Variants in PTCD2 observed in about 807,000 individuals in gnomAD.
PTCD2 encodes pentatricopeptide repeat domain 2.
A neutral mutation model predicts 42.6 loss-of-function variants in PTCD2; 31 were observed. That is an observed-to-expected ratio of 0.73 (90% CI 0.55 to 0.98). The LOEUF is 0.98. Ranked by LOEUF, PTCD2 falls within the 50% of genes least tolerant of loss-of-function variation. The probability of loss-of-function intolerance (pLI) is 0.00; values close to 1 mark genes in which losing one functional copy is unlikely to be tolerated. For synonymous variants in PTCD2, 183 were observed against 170.9 expected (o/e 1.07, Z -0.55); for missense variants, 476 against 454.8 (o/e 1.05, Z -0.42).
rs1400694506 is a variant in PTCD2, at chr5:72,335,900, T to C, written c.639+15T>C. On this transcript the variant is annotated intron_variant, in intron 6 of 9. Coordinates refer to ENST00000380639, the MANE Select transcript of PTCD2 (RefSeq NM_024754.5). ...GCTACAAACTGGTAAGACTCTTTCC[T>C]CTTAACTTTGAGAGCATTGTGTGTA... The C allele has an allele frequency of 1.2e-5, 18 of 1,527,738 alleles. No individual in the cohort carries two copies. Among genetic ancestry groups the C allele is most frequent in the Non-Finnish European group, 1.6e-5 (18 of 1,101,744 alleles). 94.6% of individuals were successfully genotyped at this position (1,527,738 alleles called of 1,614,324 possible).
chr5:72,348,546 G>A (rs187225475), intron 8 of PTCD2, among the ~76,000 whole-genome samples: 1 of 152,276 alleles, frequency 6.6e-6, no homozygotes, highest in East Asian at 1.9e-4. Flanking sequence ...TGATTTAACA[G>A]ATCTCATCAA....
At chr5:72,342,367 C>T (rs981367002) in intron 7 of PTCD2, among the ~76,000 whole-genome samples, 18 of 152,208 alleles carry the variant, frequency 1.2e-4, no homozygotes, top group Non-Finnish European at 1.8e-4. Flanking sequence ...CCTATGGAAA[C>T]GCTTGACTAG....
At chr5:72,324,065 G>T (rs916992086) in intron 2 of PTCD2, among the ~76,000 whole-genome samples, 3 of 152,102 alleles carry the variant, frequency 2.0e-5, no homozygotes, top group African/African-American at 7.2e-5. Context: ...GGAATGGGGG[G>T]AATATATTTA....
chr5:72,328,474 G>A (rs1158585971), intron 3 of PTCD2, among the ~76,000 whole-genome samples: 1 of 152,256 alleles, frequency 6.6e-6, no homozygotes, highest in Non-Finnish European at 1.5e-5. Flanking sequence ...AAGTTGCCTG[G>A]CCAGACCAAA....
chr5:72,332,076 A>G (rs1387374755), intron 4 of PTCD2, among the ~76,000 whole-genome samples: 1 of 152,204 alleles, frequency 6.6e-6, no homozygotes, highest in Admixed American at 6.5e-5. Flanking sequence ...GTGTAAGCTT[A>G]GACTGCTTTT....
chr5:72,323,841 GT>G (rs1243701766), intron 2 of PTCD2, among the ~76,000 whole-genome samples: 1 of 151,820 alleles, frequency 6.6e-6, no homozygotes, highest in Non-Finnish European at 1.5e-5. Flanking sequence ...TGTAGAGATG[GT>G]CTCACTGTGT....
intron 8 of PTCD2, among the ~76,000 whole-genome samples, chr5:72,344,739 G>A (rs563931938): frequency 4.6e-5 from 7 of 152,208 alleles, no homozygotes; most frequent in African/African-American, 7.2e-5. Context: ...TTAAAGCTGG[G>A]TGTCCGGGGG....
Position 72,320,617 on chromosome 5 carries a change from T to C in PTCD2, c.127+108T>C, listed in dbSNP as rs747714036. Reference sequence around the variant, plus strand: ...CAGCCACAGCTCCTAAGTCACTCACTGGCCTGGAGCGCACCCTCGCCCTCT... The same window carrying C: ...CAGCCACAGCTCCTAAGTCACTCACCGGCCTGGAGCGCACCCTCGCCCTCT... On this transcript the variant is annotated intron_variant, in intron 1 of 9. Coordinates refer to ENST00000380639, the MANE Select transcript of PTCD2 (RefSeq NM_024754.5). 10 of 1,503,012 alleles carry C rather than the reference T, an allele frequency of 6.7e-6. No homozygotes were observed. The African/African-American group carries it at 1.4e-4, about 21-fold the overall frequency. 93.1% of individuals were successfully genotyped at this position (1,503,012 alleles called of 1,614,324 possible).
At chr5:72,339,288 G>A (rs570915962) in intron 7 of PTCD2, among the ~76,000 whole-genome samples, 1 of 152,272 alleles carries the variant, frequency 6.6e-6, no homozygotes, top group South Asian at 2.1e-4. Context: ...TGAAACCCTG[G>A]AACACCATCT....
At chr5:72,335,738 TG>T in intron 5 of PTCD2, 55 bp from the exon 6 acceptor site, 1 of 1,132,964 alleles carries the variant, frequency 8.8e-7, no homozygotes, top group East Asian at 2.3e-5. Flanking sequence ...ATGAGAGCTT[TG>T]GGGGCCAACA....
At chr5:72,339,724 G>GGAGTGCAGTGGCGGGA (rs1317097478) in intron 7 of PTCD2, among the ~76,000 whole-genome samples, 1 of 136,684 alleles carries the variant, frequency 7.3e-6, no homozygotes, top group Admixed American at 6.9e-5. Context: ...CTTTATTTAT[G>GGAGTGCAGTGGCGGGA]TCTAAGTTAC....
intron 9 of PTCD2, among the ~76,000 whole-genome samples, chr5:72,356,992 G>T (rs1043120547): frequency 6.6e-6 from 1 of 152,186 alleles, no homozygotes; most frequent in African/African-American, 2.4e-5. Flanking sequence ...TAAGTAAAAT[G>T]CTGATTTTAT....
intron 6 of PTCD2, among the ~76,000 whole-genome samples, chr5:72,338,136 T>G (rs901593212): frequency 2.0e-5 from 3 of 152,226 alleles, no homozygotes; most frequent in Non-Finnish European, 4.4e-5. Flanking sequence ...TTTTAAAGGT[T>G]TCTGTTTTCA....
chr5:72,322,988 A>G (rs192910634), intron 2 of PTCD2, among the ~76,000 whole-genome samples: 1 of 152,176 alleles, frequency 6.6e-6, no homozygotes, highest in Non-Finnish European at 1.5e-5. Flanking sequence ...CATCTCTACA[A>G]ATTTTTTTAA....
chr5:72,354,361 C>T (rs1017049533), intron 9 of PTCD2, among the ~76,000 whole-genome samples: 2 of 115,866 alleles, frequency 1.7e-5, no homozygotes, highest in Non-Finnish European at 3.2e-5. Flanking sequence ...TCCAGCCTGG[C>T]GACAGAATGA....
At chr5:72,349,026 C>A (rs1364194368) in intron 8 of PTCD2, among the ~76,000 whole-genome samples, 1 of 152,204 alleles carries the variant, frequency 6.6e-6, no homozygotes, top group Non-Finnish European at 1.5e-5. Flanking sequence ...TGTTTGGGAG[C>A]AATGTAGACT....
intron 3 of PTCD2, among the ~76,000 whole-genome samples, chr5:72,329,280 C>A (rs892105167): frequency 4.6e-5 from 7 of 152,220 alleles, no homozygotes; most frequent in Non-Finnish European, 1.0e-4. Flanking sequence ...CAAGGCTCCA[C>A]CAACATGTTC....
intron 2 of PTCD2, among the ~76,000 whole-genome samples, chr5:72,322,833 T>TA (rs1750933625): frequency 6.6e-6 from 1 of 152,184 alleles, no homozygotes; most frequent in Admixed American, 6.5e-5. Context: ...AAAAATTTCT[T>TA]AAAAAACAAG....
At chr5:72,345,477 A>G (rs977405606) in intron 8 of PTCD2, among the ~76,000 whole-genome samples, 6 of 152,252 alleles carry the variant, frequency 3.9e-5, no homozygotes, top group Non-Finnish European at 8.8e-5. Context: ...GACGGGATTA[A>G]GAGATTAAAG....
Sources: allele counts gnomAD v4.1 joint callset (sites outside exome capture counted in the v4.1 genomes callset), GRCh38; gene constraint gnomAD v4.1.1; transcripts MANE v1.5; gene names NCBI Gene and HGNC (gene_info 2026-07-23, HGNC 2026-07-21).